The following ADAMTS12 variants were observed in gnomAD, a reference collection of about 807,000 sequenced individuals.
The protein encoded by ADAMTS12 is A disintegrin and metalloproteinase with thrombospondin motifs 12.
In ADAMTS12, 118 loss-of-function variants were observed where a neutral mutation model predicts 167.8. That is an observed-to-expected ratio of 0.70 (90% CI 0.61 to 0.82). The LOEUF (loss-of-function observed/expected upper bound fraction) is 0.82. ADAMTS12 is among the 40% of genes least tolerant of loss of function. The probability of loss-of-function intolerance (pLI) is 0.00; values close to 1 mark genes in which losing one functional copy is unlikely to be tolerated. For synonymous variants in ADAMTS12, 704 were observed against 716.9 expected (o/e 0.98, Z 0.29); for missense variants, 1,916 against 1,998.8 (o/e 0.96, Z 0.79).
chr5:33,722,707 C>G lies in ADAMTS12; in HGVS notation c.634+28697G>C, dbSNP rs976154073. Among the ~76,000 whole-genome samples, 29 of 152,212 alleles carry G rather than the reference C, an allele frequency of 1.9e-4. No homozygotes were observed. In the Middle Eastern group the frequency reaches 0.01, roughly 54 times the overall value. On this transcript the variant is annotated intron_variant, in intron 3 of 23. Coordinates refer to ENST00000504830, the MANE Select transcript of ADAMTS12 (RefSeq NM_030955.4). ...GGGAACATCTACTCTACCAACAAAC[C>G]AAGGGAACAGAGGGGAATGGACCAA... is the stretch of plus-strand genomic sequence containing the variant.
intron 5 of ADAMTS12, among the ~76,000 whole-genome samples, chr5:33,670,521 C>T (rs1741642922): frequency 6.6e-6 from 1 of 152,154 alleles, no homozygotes; most frequent in Non-Finnish European, 1.5e-5. Flanking sequence ...ATGGGTGGAT[C>T]ACCTGAGGTC....
chr5:33,562,143 A>T (rs1188130677), intron 19 of ADAMTS12, among the ~76,000 whole-genome samples: 1 of 152,054 alleles, frequency 6.6e-6, no homozygotes, highest in Non-Finnish European at 1.5e-5. Flanking sequence ...AGGTCTGGGG[A>T]GGGGAGGCGA....
intron 2 of ADAMTS12, among the ~76,000 whole-genome samples, chr5:33,804,312 G>A (rs934762204): frequency 2.6e-5 from 4 of 152,134 alleles, no homozygotes; most frequent in Admixed American, 6.5e-5. Context: ...CAAACCCATC[G>A]CAAACAAGCT....
At chr5:33,595,872 A>C in intron 17 of ADAMTS12, 62 bp downstream of exon 17, 7 of 1,595,058 alleles carry the variant, frequency 4.4e-6, no homozygotes, top group Non-Finnish European at 6.0e-6. Flanking sequence ...GCACTAGGTC[A>C]CTCTTGAGTC....
At chr5:33,606,453 C>T (rs867978365) in intron 16 of ADAMTS12, among the ~76,000 whole-genome samples, 7 of 152,164 alleles carry the variant, frequency 4.6e-5, no homozygotes, top group Admixed American at 1.3e-4. Flanking sequence ...TAAGGAGTAC[C>T]TATTGACCCA....
chr5:33,786,461 C>T (rs1053930479), intron 2 of ADAMTS12, among the ~76,000 whole-genome samples: 2 of 147,228 alleles, frequency 1.4e-5, no homozygotes, highest in African/African-American at 5.0e-5. Flanking sequence ...ATCTAAGAAG[C>T]TTTTTTTTTT....
chr5:33,739,552 T>G (rs1561245132), intron 3 of ADAMTS12, among the ~76,000 whole-genome samples: 1 of 152,198 alleles, frequency 6.6e-6, no homozygotes, highest in Non-Finnish European at 1.5e-5. Flanking sequence ...CCTGAATAAG[T>G]AGGCACTCAA....
At chr5:33,829,047 C>T (rs1168646776) in intron 2 of ADAMTS12, among the ~76,000 whole-genome samples, 2 of 152,160 alleles carry the variant, frequency 1.3e-5, no homozygotes, top group East Asian at 1.9e-4. Flanking sequence ...CACCATACTG[C>T]TCTGAATGAG....
intron 3 of ADAMTS12, among the ~76,000 whole-genome samples, chr5:33,741,345 G>A (rs1579894843): frequency 1.3e-5 from 2 of 152,118 alleles, no homozygotes; most frequent in African/African-American, 4.8e-5. Context: ...TTGCAGATGG[G>A]GCTTTCTCTC....
intron 19 of ADAMTS12, among the ~76,000 whole-genome samples, chr5:33,562,618 C>T (rs1367163054): frequency 6.7e-6 from 1 of 150,026 alleles, no homozygotes; most frequent in African/African-American, 2.4e-5. Context: ...CTTGCTGTAA[C>T]TTCACTCTCC....
chr5:33,855,611 G>A (rs1434859471), intron 2 of ADAMTS12, among the ~76,000 whole-genome samples: 1 of 152,180 alleles, frequency 6.6e-6, no homozygotes, highest in African/African-American at 2.4e-5. Flanking sequence ...CATGACTACT[G>A]GGTTTATATT....
chr5:33,712,908 C>G (rs1743455210), intron 3 of ADAMTS12, among the ~76,000 whole-genome samples: 1 of 152,062 alleles, frequency 6.6e-6, no homozygotes, highest in Non-Finnish European at 1.5e-5. Context: ...TGGCCTAGAT[C>G]CAATAGCAAT....
intron 2 of ADAMTS12, among the ~76,000 whole-genome samples, chr5:33,879,246 G>A (rs1346188942): frequency 6.6e-6 from 1 of 151,946 alleles, no homozygotes; most frequent in East Asian, 1.9e-4. Context: ...GACACACTAG[G>A]TCTGAAGTGC....
intron 2 of ADAMTS12, among the ~76,000 whole-genome samples, chr5:33,794,407 G>A (rs371566907): frequency 6.6e-5 from 10 of 152,188 alleles, no homozygotes; most frequent in African/African-American, 2.2e-4. Flanking sequence ...GTGGAGAGTG[G>A]AGGTTGCGCA....
At chr5:33,790,555 CAA>C (rs35691545) in intron 2 of ADAMTS12, among the ~76,000 whole-genome samples, 45 of 104,792 alleles carry the variant, frequency 4.3e-4, no homozygotes, top group East Asian at 1.3e-3. Context: ...GACTCCATCT[CAA>C]AAAAAAAAAA....
intron 3 of ADAMTS12, among the ~76,000 whole-genome samples, chr5:33,699,088 C>T (rs137980734): frequency 4.6e-5 from 7 of 151,970 alleles, no homozygotes; most frequent in South Asian, 2.1e-4. Flanking sequence ...ATCCAGGAGG[C>T]GGAGGTTGCA....
At chr5:33,718,227 A>T (rs1743680992) in intron 3 of ADAMTS12, among the ~76,000 whole-genome samples, 1 of 152,256 alleles carries the variant, frequency 6.6e-6, no homozygotes, top group African/African-American at 2.4e-5. Flanking sequence ...GTATGAGAAC[A>T]TATTAAGCAA....
At chr5:33,571,561 ACC>A (rs1746350542) in intron 19 of ADAMTS12, among the ~76,000 whole-genome samples, 7 of 152,182 alleles carry the variant, frequency 4.6e-5, no homozygotes, top group Admixed American at 4.6e-4. Context: ...GAACAAAGAC[ACC>A]ACATACCAGA....
intron 19 of ADAMTS12, among the ~76,000 whole-genome samples, chr5:33,562,984 A>G (rs995161668): frequency 1.5e-4 from 23 of 152,196 alleles, no homozygotes; most frequent in Admixed American, 1.4e-3. Flanking sequence ...TTGTGTTACA[A>G]CACATATATA....
Sources: allele counts gnomAD v4.1 joint callset (sites outside exome capture counted in the v4.1 genomes callset), GRCh38; gene constraint gnomAD v4.1.1; transcripts MANE v1.5; gene names NCBI Gene and HGNC (gene_info 2026-07-23, HGNC 2026-07-21).